The following SMAD3 variants were observed in gnomAD, a reference collection of about 807,000 sequenced individuals.
SMAD3 encodes SMAD family member 3, also known as MAD homolog 3.
A neutral mutation model predicts 51.8 loss-of-function variants in SMAD3; 12 were observed. The ratio of observed to expected loss-of-function variants is 0.23; its 90% CI spans 0.15 to 0.38. The LOEUF is 0.38. SMAD3 is among the 10% of genes least tolerant of loss of function. The probability of loss-of-function intolerance (pLI) is 1.00; values close to 1 mark genes in which losing one functional copy is unlikely to be tolerated. For missense variants in SMAD3, 294 were observed against 565.6 expected, an observed-to-expected ratio of 0.52 and a Z score of 4.87; for synonymous variants, 238 against 227.7, an observed-to-expected ratio of 1.05 and a Z score of -0.41.
chr15:67,165,408 T>TGGCCTGGGA, intron 3 of SMAD3, 24 bp downstream of exon 3: 1 of 1,613,272 alleles, frequency 6.2e-7, no homozygotes, highest in South Asian at 1.1e-5. Flanking sequence ...CGGCACAGGC[T>TGGCCTGGGA]GGCCTGGGAG....
intron 1 of SMAD3, among the ~76,000 whole-genome samples, chr15:67,149,466 G>A (rs1187776253): frequency 6.6e-6 from 1 of 152,148 alleles, no homozygotes; most frequent in Non-Finnish European, 1.5e-5. Context: ...TAGGGATGCA[G>A]CTTTCAGACA....
At chr15:67,178,428 G>A (rs1365365532) in intron 5 of SMAD3, among the ~76,000 whole-genome samples, 1 of 152,104 alleles carries the variant, frequency 6.6e-6, no homozygotes, top group African/African-American at 2.4e-5. Flanking sequence ...AGTAAGTCAG[G>A]GCCAGTCAAA....
intron 4 of SMAD3, among the ~76,000 whole-genome samples, chr15:67,169,557 C>T (rs1377562333): frequency 2.0e-5 from 3 of 151,940 alleles, no homozygotes; most frequent in Admixed American, 6.5e-5. Flanking sequence ...AAACACAGCT[C>T]GCTGCAGCCT....
intron 1 of SMAD3, among the ~76,000 whole-genome samples, chr15:67,160,770 C>CAA (rs547354315): frequency 1.1e-4 from 7 of 61,038 alleles, no homozygotes; most frequent in African/African-American, 4.4e-4. Flanking sequence ...GACTCCATCT[C>CAA]AAAAAAAAAA....
intron 5 of SMAD3, among the ~76,000 whole-genome samples, chr15:67,171,016 C>T (rs1962737375): frequency 6.6e-6 from 1 of 152,122 alleles, no homozygotes; most frequent in Non-Finnish European, 1.5e-5. Context: ...AGTGTTTCAT[C>T]TTATAATTGT....
At chr15:67,171,465 T>C (rs994151104) in intron 5 of SMAD3, among the ~76,000 whole-genome samples, 1 of 152,212 alleles carries the variant, frequency 6.6e-6, no homozygotes, top group Non-Finnish European at 1.5e-5. Flanking sequence ...TTAGTTTTTA[T>C]TGAGGGGAGA....
chr15:67,167,091 A>T (rs1241215335), intron 4 of SMAD3, among the ~76,000 whole-genome samples: 1 of 152,142 alleles, frequency 6.6e-6, no homozygotes, highest in African/African-American at 2.4e-5. Context: ...GTATGCCCTG[A>T]TGGAAGATGC....
chr15:67,136,111 G>C (rs887393967), intron 1 of SMAD3, among the ~76,000 whole-genome samples: 3 of 152,140 alleles, frequency 2.0e-5, no homozygotes, highest in Non-Finnish European at 4.4e-5. Context: ...GGAAAAGAAG[G>C]CTGAATATCC....
At chr15:67,128,967 G>GT (rs1301713305) in intron 1 of SMAD3, among the ~76,000 whole-genome samples, 1 of 152,190 alleles carries the variant, frequency 6.6e-6, no homozygotes, top group Non-Finnish European at 1.5e-5. Context: ...GTGGATGGAT[G>GT]TCATTTGCGT....
At chr15:67,175,606 A>G (rs537260648) in intron 5 of SMAD3, among the ~76,000 whole-genome samples, 23 of 152,282 alleles carry the variant, frequency 1.5e-4, no homozygotes, top group African/African-American at 5.5e-4. Context: ...GCCACTTTGC[A>G]CTGGCCTAGT....
chr15:67,127,703 G>A (rs1287497018), intron 1 of SMAD3, among the ~76,000 whole-genome samples: 1 of 152,148 alleles, frequency 6.6e-6, no homozygotes, highest in Non-Finnish European at 1.5e-5. Flanking sequence ...AAATTGATTG[G>A]TTGGTTTGTA....
At chr15:67,144,528 G>A (rs534821199) in intron 1 of SMAD3, among the ~76,000 whole-genome samples, 1 of 152,324 alleles carries the variant, frequency 6.6e-6, no homozygotes, top group South Asian at 2.1e-4. Context: ...GAGTTAAATA[G>A]TGATTTAACT....
At position 67,181,238 on chromosome 15, in the gene SMAD3, C is replaced by T; in HGVS notation, c.659-3C>T. On this transcript the variant is annotated splice_polypyrimidine_tract_variant and splice_region_variant and intron_variant, in intron 5 of 8. Coordinates refer to ENST00000327367, the MANE Select transcript of SMAD3 (RefSeq NM_005902.4). ...GACCCAGTAGCCCACCCTGTGTCCA[C>T]AGACCTGCAGCCAGTTACCTACTGC... 6.2e-7 allele frequency: 1 copy of T among 1,612,096 alleles called. No homozygotes were observed. The highest frequency in any genetic ancestry group is 2.2e-5 in the East Asian group (1 of 44,872).
At chr15:67,078,742 A>T (rs1960221607) in intron 1 of SMAD3, among the ~76,000 whole-genome samples, 1 of 152,206 alleles carries the variant, frequency 6.6e-6, no homozygotes, top group Non-Finnish European at 1.5e-5. Context: ...GACCAGGGGC[A>T]GCCTATTGCT....
chr15:67,091,597 C>A, intron 1 of SMAD3, among the ~76,000 whole-genome samples: 1 of 152,132 alleles, frequency 6.6e-6, no homozygotes, highest in East Asian at 1.9e-4. Flanking sequence ...GTTCCCCAAC[C>A]TTTTTCACGT....
intron 1 of SMAD3, among the ~76,000 whole-genome samples, chr15:67,161,907 T>G (rs537096026): frequency 5.3e-4 from 81 of 152,288 alleles, no homozygotes; most frequent in Non-Finnish European, 8.7e-4. Flanking sequence ...CCAGGTCTTA[T>G]GGCTCCACAT....
At chr15:67,070,373 CGT>C (rs1566957901) in intron 1 of SMAD3, among the ~76,000 whole-genome samples, 1 of 152,166 alleles carries the variant, frequency 6.6e-6, no homozygotes, top group African/African-American at 2.4e-5. Context: ...CGCCACTTGA[CGT>C]TCCCTGGGAA....
At position 67,145,605 on chromosome 15, in the gene SMAD3, G is replaced by A. The variant is rs114364476; in HGVS notation, c.207-19290G>A. Among the ~76,000 whole-genome samples the A allele has an allele frequency of 7.4e-3, 1,125 of 152,274 alleles. 17 individuals carry two copies. The highest frequency in any genetic ancestry group is 0.026 in the African/African-American group (1,086 of 41,546). ...ATCATTGGGCAGGATTTTCTGGTTCGTGAATGAAAGGTTATGGGTGACACT... is the reference window on the plus strand; with the variant it reads ...ATCATTGGGCAGGATTTTCTGGTTCATGAATGAAAGGTTATGGGTGACACT... On this transcript the variant is annotated intron_variant, in intron 1 of 8. Transcript: ENST00000327367.
chr15:67,119,996 C>T (rs1259285710), intron 1 of SMAD3, among the ~76,000 whole-genome samples: 2 of 152,154 alleles, frequency 1.3e-5, no homozygotes, highest in African/African-American at 4.8e-5. Flanking sequence ...GGGGTTTCAC[C>T]GTGTTGCCCA....
Sources: allele counts gnomAD v4.1 joint callset (sites outside exome capture counted in the v4.1 genomes callset), GRCh38; gene constraint gnomAD v4.1.1; transcripts MANE v1.5; gene names NCBI Gene and HGNC (gene_info 2026-07-23, HGNC 2026-07-21).